BRD7: variants seen among roughly 807,000 people sequenced by gnomAD.
BRD7 encodes the protein bromodomain-containing protein 7.
BRD7 carries 15 observed loss-of-function variants against 82.1 expected under a neutral mutation model. That is an observed-to-expected ratio of 0.18 (90% CI 0.12 to 0.28). The LOEUF (loss-of-function observed/expected upper bound fraction) is 0.28, where lower values mean the gene tolerates loss of function less well. BRD7 is among the 10% of genes least tolerant of loss of function. BRD7 has a pLI of 1.00. For missense variants in BRD7, 638 were observed against 779.9 expected (o/e 0.82, Z 2.17); for synonymous variants, 232 against 266.9 (o/e 0.87, Z 1.27).
chr16:50,360,338 C>T (rs926699490), intron 2 of BRD7, among the ~76,000 whole-genome samples: 20 of 152,204 alleles, frequency 1.3e-4, no homozygotes, highest in Non-Finnish European at 2.2e-4. Flanking sequence ...TGGTTACTTT[C>T]GGAGGATATA....
intron 6 of BRD7, among the ~76,000 whole-genome samples, chr16:50,336,284 A>C (rs1476868208): frequency 1.3e-5 from 2 of 152,242 alleles, no homozygotes; most frequent in Admixed American, 6.5e-5. Flanking sequence ...TCTAGGAACC[A>C]GTATCTCTTT....
chr16:50,347,515 C>T (rs547070444), intron 5 of BRD7, among the ~76,000 whole-genome samples: 1,626 of 152,098 alleles, frequency 0.011, 27 homozygotes, highest in African/African-American at 0.037. Context: ...AAAACCCCAT[C>T]GTCTCAGCCC....
chr16:50,361,100 C>T lies in BRD7; in HGVS notation c.259-6178G>A, dbSNP rs150258702. ...AATCAGCAGTACGAGATACTAACAG[C>T]ACCTACCTCACAGAATTATTTCTAA... On this transcript the variant is annotated intron_variant, in intron 2 of 16. Coordinates refer to ENST00000394688, the MANE Select transcript of BRD7 (RefSeq NM_013263.5). Among the ~76,000 whole-genome samples, 673 of 152,308 alleles carry T rather than the reference C, an allele frequency of 4.4e-3. 7 individuals carry two copies. Among genetic ancestry groups the T allele is most frequent in the African/African-American group, 0.015 (635 of 41,548 alleles).
intron 8 of BRD7, among the ~76,000 whole-genome samples, chr16:50,331,730 T>G (rs138788139): frequency 0.016 from 2,410 of 151,606 alleles, 56 homozygotes; most frequent in African/African-American, 0.054. Flanking sequence ...AAACAAAAGC[T>G]CCCATAAAAC....
rs992867202 is a variant in BRD7, at chr16:50,368,914, G to A, written c.-140C>T. On this transcript the variant is annotated 5_prime_UTR_variant, in exon 1 of 17. Coordinates refer to ENST00000394688, the MANE Select transcript of BRD7 (RefSeq NM_013263.5). ...GCGAGGCAGGGGGGCGGCGCGCGCC[G>A]GGCGGCGCGATGCCCCTCTCGAGAA... 6 of 343,258 alleles carry A rather than the reference G, an allele frequency of 1.7e-5. No homozygotes were observed. The highest frequency in any genetic ancestry group is 6.8e-5 in the African/African-American group (3 of 44,218). The allele number at this position is 343,258 out of a possible 1,614,324, so 21.3% of individuals were successfully genotyped here.
intron 8 of BRD7, among the ~76,000 whole-genome samples, chr16:50,332,089 T>G (rs1414439656): frequency 1.3e-5 from 2 of 152,156 alleles, no homozygotes; most frequent in East Asian, 3.9e-4. Context: ...GCAAAGAATT[T>G]TCTATGTTCT....
At chr16:50,351,148 C>T (rs1254873172) in intron 4 of BRD7, among the ~76,000 whole-genome samples, 2 of 152,130 alleles carry the variant, frequency 1.3e-5, no homozygotes, top group Non-Finnish European at 2.9e-5. Flanking sequence ...TACCATGTTG[C>T]TAGTCCCAGT....
rs755647859 is a variant in BRD7 at position 50,349,977 on chromosome 16, T to C, written c.591+46A>G. 2.0e-5 allele frequency: 29 copies of C among 1,440,542 alleles called. No individual in the cohort carries two copies. In the South Asian group the frequency reaches 3.8e-4, roughly 19 times the overall value. 89.2% of individuals were successfully genotyped at this position (1,440,542 alleles called of 1,614,324 possible). On this transcript the variant is annotated intron_variant, in intron 5 of 16. Coordinates refer to ENST00000394688, the MANE Select transcript of BRD7 (RefSeq NM_013263.5). ...TGAGAAAGATTCTGAATATCAGACA[T>C]GCAGATTTCTACCAAGATTTTGTGT...
At chr16:50,365,231 GT>G (rs1161588303) in intron 2 of BRD7, among the ~76,000 whole-genome samples, 1 of 152,208 alleles carries the variant, frequency 6.6e-6, no homozygotes, top group Non-Finnish European at 1.5e-5. Flanking sequence ...CTGCCCCATA[GT>G]TGGCTCCAGA....
intron 4 of BRD7, among the ~76,000 whole-genome samples, chr16:50,353,087 T>G (rs969835407): frequency 1.4e-5 from 2 of 142,138 alleles, no homozygotes; most frequent in Non-Finnish European, 3.1e-5. Flanking sequence ...TTTTTTTTTT[T>G]AGAAAAGATC....
At chr16:50,348,539 T>C (rs2038382318) in intron 5 of BRD7, among the ~76,000 whole-genome samples, 1 of 152,120 alleles carries the variant, frequency 6.6e-6, no homozygotes, top group African/African-American at 2.4e-5. Flanking sequence ...ATCCAGAATC[T>C]ACAAAGAACT....
intron 9 of BRD7, among the ~76,000 whole-genome samples, chr16:50,327,872 C>G (rs1327608682): frequency 6.6e-6 from 1 of 152,236 alleles, no homozygotes; most frequent in Non-Finnish European, 1.5e-5. Context: ...TTGTTCTCTA[C>G]TACACAGCTA....
intron 3 of BRD7, 133 bp from the exon 4 acceptor site, chr16:50,354,615 A>G: frequency 8.4e-7 from 1 of 1,190,598 alleles, no homozygotes. Context: ...AATATATTGA[A>G]GTTTGAGAGT....
At chr16:50,363,837 C>A (rs2039034801) in intron 2 of BRD7, among the ~76,000 whole-genome samples, 1 of 152,118 alleles carries the variant, frequency 6.6e-6, no homozygotes, top group African/African-American at 2.4e-5. Context: ...GAAAGGATCA[C>A]CTGACCCCAG....
rs139298582 is a variant in BRD7, at chr16:50,332,425, T to C, written c.1011+1149A>G. 4.7e-3 allele frequency among the ~76,000 whole-genome samples: 717 copies of C among 152,252 alleles called. 7 individuals carry two copies. Among genetic ancestry groups the C allele is most frequent in the African/African-American group, 0.016 (648 of 41,538 alleles). On this transcript the variant is annotated intron_variant, in intron 8 of 16. Coordinates refer to ENST00000394688, the MANE Select transcript of BRD7 (RefSeq NM_013263.5). ...AGAAAATGCTCAGCATCACTAATCA[T>C]TGGAGAAATGCAAATCAAAACCACA... is the stretch of plus-strand genomic sequence containing the variant.
intron 2 of BRD7, among the ~76,000 whole-genome samples, chr16:50,360,659 C>T (rs773606843): frequency 6.6e-6 from 1 of 152,188 alleles, no homozygotes; most frequent in Non-Finnish European, 1.5e-5. Context: ...CTGGGTCCAA[C>T]TTTGAGCTCC....
intron 6 of BRD7, among the ~76,000 whole-genome samples, chr16:50,339,131 C>T (rs938651668): frequency 6.6e-6 from 1 of 152,260 alleles, no homozygotes; most frequent in Non-Finnish European, 1.5e-5. Flanking sequence ...TGTGCCTACG[C>T]ACACACTTCT....
chr16:50,325,453 C>T (rs1457343723), intron 11 of BRD7, among the ~76,000 whole-genome samples: 2 of 152,150 alleles, frequency 1.3e-5, no homozygotes, highest in Non-Finnish European at 2.9e-5. Context: ...GCAGATGGCA[C>T]ATCAACGTTT....
At chr16:50,354,354 A>G (rs745727790) in intron 4 of BRD7, 71 bp downstream of exon 4, 1 of 1,325,492 alleles carries the variant, frequency 7.5e-7, no homozygotes, top group East Asian at 2.4e-5. Context: ...AGTTAGGCAC[A>G]AATGTGGTTT....
Sources: gnomAD v4.1 joint callset for allele counts (sites outside exome capture counted in the v4.1 genomes callset) on GRCh38, gnomAD v4.1.1 for gene constraint, MANE v1.5 for transcripts, NCBI Gene and HGNC (gene_info 2026-07-23, HGNC 2026-07-21) for gene names.